The following CDKAL1 variants were observed in gnomAD, a reference collection of about 807,000 sequenced individuals.
CDKAL1 encodes CDKAL1 threonylcarbamoyladenosine tRNA methylthiotransferase, also known as threonylcarbamoyladenosine tRNA methylthiotransferase.
In CDKAL1, 32 loss-of-function variants were observed where a neutral mutation model predicts 68.2. The observed-to-expected ratio is 0.47, with a 90% CI of 0.35 to 0.63. CDKAL1 has a LOEUF of 0.63. Among genes scored for constraint, CDKAL1 ranks in the 30% least tolerant of loss-of-function variants. CDKAL1 has a pLI of 0.00. For missense variants in CDKAL1, 606 were observed against 696.7 expected (o/e 0.87, Z 1.47); for synonymous variants, 234 against 244.3 (o/e 0.96, Z 0.39).
chr6:21,106,326 A>G (rs1461244436), intron 12 of CDKAL1, among the ~76,000 whole-genome samples: 1 of 152,248 alleles, frequency 6.6e-6, no homozygotes, highest in Non-Finnish European at 1.5e-5. Flanking sequence ...GTAGTGGAAA[A>G]AGTAAATTTC....
At chr6:21,014,597 C>T (rs1002716786) in intron 11 of CDKAL1, among the ~76,000 whole-genome samples, 6 of 147,618 alleles carry the variant, frequency 4.1e-5, no homozygotes, top group African/African-American at 1.5e-4. Context: ...GGTGACAGAG[C>T]GAGACTCCGT....
At chr6:20,652,334 A>G (rs1423892124) in intron 5 of CDKAL1, among the ~76,000 whole-genome samples, 2 of 152,178 alleles carry the variant, frequency 1.3e-5, no homozygotes, top group Non-Finnish European at 2.9e-5. Flanking sequence ...CCTGCCCATT[A>G]GCACTGTTCT....
chr6:20,972,093 T>C (rs1765628171), intron 10 of CDKAL1, among the ~76,000 whole-genome samples: 1 of 152,176 alleles, frequency 6.6e-6, no homozygotes, highest in African/African-American at 2.4e-5. Flanking sequence ...AATTGAGTCC[T>C]CCATTCAACA....
intron 5 of CDKAL1, among the ~76,000 whole-genome samples, chr6:20,650,565 C>T (rs1768712856): frequency 6.6e-6 from 1 of 152,112 alleles, no homozygotes; most frequent in Non-Finnish European, 1.5e-5. Flanking sequence ...TAATTAGATT[C>T]CATTTGTCAA....
chr6:21,207,861 C>T (rs558181255), intron 15 of CDKAL1, among the ~76,000 whole-genome samples: 10 of 152,254 alleles, frequency 6.6e-5, no homozygotes, highest in Admixed American at 3.9e-4. Context: ...ATGTTGTATT[C>T]ATCAGCCATA....
At chr6:21,019,852 C>A (rs910602622) in intron 11 of CDKAL1, among the ~76,000 whole-genome samples, 1 of 152,012 alleles carries the variant, frequency 6.6e-6, no homozygotes, top group Non-Finnish European at 1.5e-5. Context: ...TTACTTTTTT[C>A]AACTAGCATT....
chr6:20,984,317 TG>T (rs1315347620), intron 10 of CDKAL1, among the ~76,000 whole-genome samples: 1 of 151,816 alleles, frequency 6.6e-6, no homozygotes, highest in Non-Finnish European at 1.5e-5. Flanking sequence ...AGCTCATGGG[TG>T]GGGGAGTGCA....
intron 8 of CDKAL1, among the ~76,000 whole-genome samples, chr6:20,813,186 A>G (rs1386489783): frequency 1.3e-5 from 2 of 151,886 alleles, no homozygotes; most frequent in Non-Finnish European, 2.9e-5. Flanking sequence ...GCCTCATGTG[A>G]TCTCCCCACT....
At chr6:20,589,104 A>G (rs1327869301) in intron 4 of CDKAL1, among the ~76,000 whole-genome samples, 1 of 152,180 alleles carries the variant, frequency 6.6e-6, no homozygotes, top group Admixed American at 6.5e-5. Context: ...GTCTCCGTGA[A>G]CATCTGCAGC....
chr6:20,603,352 G>A (rs1766188129), intron 4 of CDKAL1, among the ~76,000 whole-genome samples: 1 of 152,170 alleles, frequency 6.6e-6, no homozygotes, highest in East Asian at 1.9e-4. Flanking sequence ...ACAAGCAGCA[G>A]CTATCTGTTA....
intron 4 of CDKAL1, among the ~76,000 whole-genome samples, chr6:20,634,754 G>A (rs1019099824): frequency 1.3e-5 from 2 of 152,050 alleles, no homozygotes; most frequent in Admixed American, 1.3e-4. Flanking sequence ...GAGGCAGGAG[G>A]ATCACCTGAG....
At chr6:20,698,725 A>T (rs548020720) in intron 5 of CDKAL1, among the ~76,000 whole-genome samples, 11 of 152,204 alleles carry the variant, frequency 7.2e-5, no homozygotes, top group Non-Finnish European at 1.3e-4. Flanking sequence ...TTTCAGTATC[A>T]CAATGGAGAG....
intron 11 of CDKAL1, among the ~76,000 whole-genome samples, chr6:21,042,776 C>CCTT (rs1306737713): frequency 6.6e-6 from 1 of 152,178 alleles, no homozygotes; most frequent in Non-Finnish European, 1.5e-5. Flanking sequence ...CCCACAAAAG[C>CCTT]CTTTGATAGC....
At chr6:20,785,018 G>C (rs1349804719) in intron 8 of CDKAL1, among the ~76,000 whole-genome samples, 1 of 151,772 alleles carries the variant, frequency 6.6e-6, no homozygotes, top group Non-Finnish European at 1.5e-5. Context: ...TTCTTCAAAT[G>C]GGCCTGCTCT....
At position 21,043,434 on chromosome 6, in the gene CDKAL1, G is replaced by A. The variant is rs1561984446; in HGVS notation, c.1056-21614G>A. Among the ~76,000 whole-genome samples the A allele has an allele frequency of 2.0e-5, 3 of 152,172 alleles. No homozygotes were observed. In the South Asian group the frequency reaches 6.2e-4, roughly 32 times the overall value. On this transcript the variant is annotated intron_variant, in intron 11 of 15. Transcript: ENST00000274695. ...GTTCTTTCAGACTCCAAAAATCTAT[G>A]TGATGCTGTTTCTTCATTTCCATTT... is the stretch of plus-strand genomic sequence containing the variant.
At position 20,558,623 on chromosome 6, in the gene CDKAL1, A is replaced by G. The variant is rs759469042; in HGVS notation, c.286+9918A>G. 208 of 456,312 alleles carry G rather than the reference A, an allele frequency of 4.6e-4. 3 individuals are homozygous for G. Among genetic ancestry groups the G allele is most frequent in the Non-Finnish European group, 9.7e-5 (22 of 226,842 alleles). The allele number at this position is 456,312 out of a possible 1,614,324, so 28.3% of individuals were successfully genotyped here. On this transcript the variant is annotated intron_variant, in intron 4 of 15. Transcript: ENST00000274695. ...GGAAAAATCACTTTGTAATCTAAGAAGGAATTGAGTTAAGAAGATTTGTTC... is the reference window on the plus strand; with the variant it reads ...GGAAAAATCACTTTGTAATCTAAGAGGGAATTGAGTTAAGAAGATTTGTTC...
At chr6:20,943,075 C>T (rs1418965847) in intron 9 of CDKAL1, among the ~76,000 whole-genome samples, 2 of 149,588 alleles carry the variant, frequency 1.3e-5, no homozygotes, top group African/African-American at 4.9e-5. Flanking sequence ...TATTGTTTCT[C>T]TCCTGTTTAA....
chr6:20,748,555 G>GGAAAAAAA (rs1773766913), intron 6 of CDKAL1, among the ~76,000 whole-genome samples: 5 of 28,742 alleles, frequency 1.7e-4, no homozygotes, highest in African/African-American at 3.5e-4. Flanking sequence ...TCTGTTTCTG[G>GGAAAAAAA]AAAAAAAAAA....
chr6:20,646,048 A>ATTTTTTTTTTTT (rs1171622769), intron 4 of CDKAL1, among the ~76,000 whole-genome samples: 1 of 87,364 alleles, frequency 1.1e-5, no homozygotes, highest in Non-Finnish European at 2.0e-5. Flanking sequence ...TCACGGTTAA[A>ATTTTTTTTTTTT]TTTTTTTTTT....
Sources: allele counts gnomAD v4.1 joint callset (sites outside exome capture counted in the v4.1 genomes callset), GRCh38; gene constraint gnomAD v4.1.1; transcripts MANE v1.5; gene names NCBI Gene and HGNC (gene_info 2026-07-23, HGNC 2026-07-21).